SEPTIN9: variants seen among roughly 807,000 people sequenced by gnomAD.
SEPTIN9 encodes the protein septin 9, also known as septin-9.
A neutral mutation model predicts 56.6 loss-of-function variants in SEPTIN9; 13 were observed. That is an observed-to-expected ratio of 0.23 (90% CI 0.15 to 0.37). SEPTIN9 has a LOEUF of 0.37. Ranked by LOEUF, SEPTIN9 falls within the 10% of genes least tolerant of loss-of-function variation. SEPTIN9 has a pLI of 1.00. For missense variants in SEPTIN9, 650 were observed against 823.1 expected (o/e 0.79, Z 2.57); for synonymous variants, 332 against 334.1 (o/e 0.99, Z 0.07).
chr17:77,290,922 C>T (rs1319273779), intron 1 of SEPTIN9, among the ~76,000 whole-genome samples: 2 of 151,528 alleles, frequency 1.3e-5, no homozygotes, highest in Non-Finnish European at 2.9e-5. Flanking sequence ...GGTTGGAGTG[C>T]AGTGGCGTGA....
At chr17:77,386,706 G>C (rs1334038185) in intron 2 of SEPTIN9, among the ~76,000 whole-genome samples, 1 of 152,224 alleles carries the variant, frequency 6.6e-6, no homozygotes, top group African/African-American at 2.4e-5. Context: ...CAGGCTTCCT[G>C]CCCCAGGGGG....
rs1305704032 is a variant in SEPTIN9, at chr17:77,463,744, G to T, written c.722-18400G>T. Among the ~76,000 whole-genome samples the T allele has an allele frequency of 2.6e-5, 4 of 152,058 alleles. No individual in the cohort carries two copies. The East Asian group carries it at 7.7e-4, about 29-fold the overall frequency. Reference sequence around the variant, plus strand: ...TGTAATCCCAGCTACTTGGGAGGCCGAGGCCGGAGAATTGCTTGAACCCGG... The same window carrying T: ...TGTAATCCCAGCTACTTGGGAGGCCTAGGCCGGAGAATTGCTTGAACCCGG... On this transcript the variant is annotated intron_variant, in intron 3 of 11. Transcript: ENST00000427177.
Position 77,367,872 on chromosome 17 carries a change from A to G in SEPTIN9, c.77-34187A>G, listed in dbSNP as rs763290466. On this transcript the variant is annotated intron_variant, in intron 2 of 11. Transcript: ENST00000427177. This position sits in a 1 kb window ranked among gnomAD's most constrained non-coding sequence, Gnocchi z 4.5. Reference sequence around the variant, plus strand: ...TAATAATAAAATAATAAAAGCAAGGACTTGAACAAATATTTGCACACCCAT... The same window carrying G: ...TAATAATAAAATAATAAAAGCAAGGGCTTGAACAAATATTTGCACACCCAT... Among the ~76,000 whole-genome samples the G allele has an allele frequency of 6.6e-6, 1 of 152,098 alleles. No homozygotes were observed. The highest frequency in any genetic ancestry group is 1.5e-5 in the Non-Finnish European group (1 of 68,020).
Position 77,400,237 on chromosome 17 carries a change from A to T in SEPTIN9, c.77-1822A>T, listed in dbSNP as rs2035855674. Among the ~76,000 whole-genome samples, 1 of 152,214 alleles carries T rather than the reference A, an allele frequency of 6.6e-6. No individual in the cohort carries two copies. The highest frequency in any genetic ancestry group is 6.5e-5 in the Admixed American group (1 of 15,278). ...TGTTTTGCTTTGTGCCAGCATTTAA[A>T]GATCAGGAGATATCATATAAAGATC... On this transcript the variant is annotated intron_variant, in intron 2 of 11. Transcript: ENST00000427177. This position sits in a 1 kb window ranked among gnomAD's most constrained non-coding sequence, Gnocchi z 4.1.
intron 1 of SEPTIN9, among the ~76,000 whole-genome samples, chr17:77,292,095 C>T (rs994733349): frequency 3.3e-5 from 5 of 152,200 alleles, no homozygotes; most frequent in African/African-American, 1.2e-4. Flanking sequence ...ATCTCTTCCT[C>T]GGCCCCTCAA....
At chr17:77,301,365 G>A (rs1365712269) in intron 1 of SEPTIN9, among the ~76,000 whole-genome samples, 1 of 150,860 alleles carries the variant, frequency 6.6e-6, no homozygotes, top group Admixed American at 6.6e-5. Flanking sequence ...CCTCTCTCAG[G>A]AGTTTCAAGA....
chr17:77,431,069 G>A (rs972699911), intron 3 of SEPTIN9, among the ~76,000 whole-genome samples: 3 of 152,208 alleles, frequency 2.0e-5, no homozygotes, highest in African/African-American at 7.2e-5. Context: ...TTTGCTGGGC[G>A]TGGTGGCTCA....
chr17:77,376,244 A>G (rs1047623420), intron 2 of SEPTIN9: 14 of 986,144 alleles, frequency 1.4e-5, no homozygotes, highest in Non-Finnish European at 1.7e-5. Flanking sequence ...TGAAGATCAT[A>G]TGGGCCAGGC....
At chr17:77,432,431 C>A (rs1190804849) in intron 3 of SEPTIN9, among the ~76,000 whole-genome samples, 1 of 152,190 alleles carries the variant, frequency 6.6e-6, no homozygotes, top group Non-Finnish European at 1.5e-5. Context: ...TTATTCATGG[C>A]CGAGGCCCCG....
At chr17:77,419,431 C>T (rs143776231) in intron 3 of SEPTIN9, among the ~76,000 whole-genome samples, 115 of 151,822 alleles carry the variant, frequency 7.6e-4, no homozygotes, top group African/African-American at 1.8e-3. Context: ...TAGGGTGGGC[C>T]GGGGATGGTG....
chr17:77,462,715 C>T (rs1241370473), intron 3 of SEPTIN9, among the ~76,000 whole-genome samples: 1 of 152,156 alleles, frequency 6.6e-6, no homozygotes, highest in Admixed American at 6.5e-5. Flanking sequence ...GATCTCTGCT[C>T]ACTGCAACCT....
chr17:77,443,381 A>G (rs1568072709), intron 3 of SEPTIN9, among the ~76,000 whole-genome samples: 1 of 152,258 alleles, frequency 6.6e-6, no homozygotes, highest in Non-Finnish European at 1.5e-5. Flanking sequence ...TACAGACCAC[A>G]ACCAGCAATA....
At chr17:77,387,905 C>T (rs1271212947) in intron 2 of SEPTIN9, among the ~76,000 whole-genome samples, 16 of 150,786 alleles carry the variant, frequency 1.1e-4, no homozygotes, top group African/African-American at 3.7e-4. Flanking sequence ...CTTCCCGCCC[C>T]CCTTCACCAG....
intron 10 of SEPTIN9, among the ~76,000 whole-genome samples, chr17:77,493,745 C>T (rs1451697211): frequency 1.3e-5 from 2 of 149,304 alleles, no homozygotes; most frequent in Non-Finnish European, 3.0e-5. Flanking sequence ...CCCTGTGTCT[C>T]TGTCCCGTCC....
chr17:77,383,583 T>C (rs1283487189), intron 2 of SEPTIN9, among the ~76,000 whole-genome samples: 1 of 152,234 alleles, frequency 6.6e-6, no homozygotes, highest in Non-Finnish European at 1.5e-5. Flanking sequence ...CCCTGGGGTC[T>C]GACGGGGGCT....
At chr17:77,480,339 T>C (rs1441996249) in intron 3 of SEPTIN9, among the ~76,000 whole-genome samples, 4 of 152,212 alleles carry the variant, frequency 2.6e-5, no homozygotes, top group Admixed American at 6.5e-5. Flanking sequence ...GCCTCAGGCC[T>C]GGGGAGCCTC....
At chr17:77,296,953 G>A (rs559360743) in intron 1 of SEPTIN9, among the ~76,000 whole-genome samples, 6 of 152,214 alleles carry the variant, frequency 3.9e-5, no homozygotes, top group African/African-American at 1.4e-4. Context: ...ATAAATGACC[G>A]ATGGACAGGC....
rs1016862963 is a variant in SEPTIN9 at position 77,434,607 on chromosome 17, C to A, written c.721+31904C>A. Among the ~76,000 whole-genome samples the A allele has an allele frequency of 9.2e-5, 14 of 152,152 alleles. 1 individual carries two copies. Among genetic ancestry groups the A allele is most frequent in the Admixed American group, 5.9e-4 (9 of 15,280 alleles). ...TCCCCTGTGGTTGAAGGTGCCCTGG[C>A]AGGACCTGCACCATGACCCCCGTCA... On this transcript the variant is annotated intron_variant, in intron 3 of 11. Coordinates refer to ENST00000427177, the MANE Select transcript of SEPTIN9 (RefSeq NM_001113491.2). The surrounding 1 kb of genome is among the most constrained non-coding windows in gnomAD (Gnocchi z 5.0).
intron 3 of SEPTIN9, among the ~76,000 whole-genome samples, chr17:77,412,129 CAAA>C (rs756030644): frequency 0.026 from 1,776 of 67,318 alleles, 30 homozygotes; most frequent in South Asian, 0.12. Context: ...GACTCCCTAT[CAAA>C]AAAAAAAAAA....
Sources: allele counts gnomAD v4.1 joint callset (sites outside exome capture counted in the v4.1 genomes callset), GRCh38; gene constraint gnomAD v4.1.1; non-coding constraint Gnocchi (gnomAD v3.1); transcripts MANE v1.5; gene names NCBI Gene and HGNC (gene_info 2026-07-23, HGNC 2026-07-21).